LYPLAL1: variants seen among roughly 807,000 people sequenced by gnomAD.
LYPLAL1 encodes the protein lysophospholipase like 1, also known as lysophospholipase-like protein 1.
Under a neutral mutation model 19.7 loss-of-function variants are expected in LYPLAL1, and 23 were observed. The observed-to-expected ratio is 1.17, with a 90% CI of 0.84 to 1.65. The LOEUF (loss-of-function observed/expected upper bound fraction) is 1.65. Ranked by LOEUF, LYPLAL1 falls within the 40% of genes most tolerant of loss-of-function variation. The probability of loss-of-function intolerance (pLI) is 0.00; values close to 1 mark genes in which losing one functional copy is unlikely to be tolerated. For synonymous variants in LYPLAL1, 119 were observed against 96.3 expected, an observed-to-expected ratio of 1.24 and a Z score of -1.38; for missense variants, 355 against 279.4, an observed-to-expected ratio of 1.27 and a Z score of -1.93.
the LYPLAL1 span, among the ~76,000 whole-genome samples, chr1:219,305,877 G>A: frequency 1.4e-4 from 22 of 152,240 alleles, no homozygotes; most frequent in African/African-American, 4.8e-4. Flanking sequence ...TATCAACTCT[G>A]AACTACAATA....
At chr1:219,322,321 G>T in the LYPLAL1 span, among the ~76,000 whole-genome samples, 1 of 152,158 alleles carries the variant, frequency 6.6e-6, no homozygotes, top group African/African-American at 2.4e-5. Flanking sequence ...TAAAAGGGAT[G>T]TAGGAGCTGC....
chr1:219,257,663 G>A, the LYPLAL1 span, among the ~76,000 whole-genome samples: 1 of 152,048 alleles, frequency 6.6e-6, no homozygotes, highest in Admixed American at 6.6e-5. Context: ...AAGATTGCAA[G>A]GCAAAGGGCA....
chr1:219,232,969 A>G, the LYPLAL1 span, among the ~76,000 whole-genome samples: 1 of 152,190 alleles, frequency 6.6e-6, no homozygotes, highest in South Asian at 2.1e-4. Flanking sequence ...ACCATGGAAA[A>G]CAATATTCCA....
At chr1:219,436,072 G>C in the LYPLAL1 span, among the ~76,000 whole-genome samples, 1 of 152,036 alleles carries the variant, frequency 6.6e-6, no homozygotes, top group Non-Finnish European at 1.5e-5. Context: ...ACACTAGCCC[G>C]TACACCCACA....
At chr1:219,412,351 T>C in the LYPLAL1 span, among the ~76,000 whole-genome samples, 1 of 152,190 alleles carries the variant, frequency 6.6e-6, no homozygotes, top group Non-Finnish European at 1.5e-5. Context: ...CTCTTCTTGG[T>C]TTAATGTTGG....
At chr1:219,426,125 C>G in the LYPLAL1 span, among the ~76,000 whole-genome samples, 27 of 152,130 alleles carry the variant, frequency 1.8e-4, no homozygotes, top group Non-Finnish European at 4.4e-5. Flanking sequence ...AGTGTGTATA[C>G]GTTTGGTTTG....
chr1:219,378,837 T>G, the LYPLAL1 span, among the ~76,000 whole-genome samples: 1 of 152,120 alleles, frequency 6.6e-6, no homozygotes, highest in Non-Finnish European at 1.5e-5. Context: ...AGACAATATA[T>G]TTTTAATTGG....
At chr1:219,314,284 T>C in the LYPLAL1 span, among the ~76,000 whole-genome samples, 1 of 152,256 alleles carries the variant, frequency 6.6e-6, no homozygotes, top group East Asian at 1.9e-4. Context: ...CTGTGATGAA[T>C]ATACATGTGC....
chr1:219,385,072 G>A, the LYPLAL1 span, among the ~76,000 whole-genome samples: 1 of 152,158 alleles, frequency 6.6e-6, no homozygotes, highest in Non-Finnish European at 1.5e-5. Context: ...GGGGAGGTCA[G>A]TAAACCTATA....
the LYPLAL1 span, among the ~76,000 whole-genome samples, chr1:219,319,257 T>A: frequency 6.6e-6 from 1 of 152,068 alleles, no homozygotes; most frequent in African/African-American, 2.4e-5. Context: ...GTGTAGACCC[T>A]TCAGAAACTC....
the LYPLAL1 span, among the ~76,000 whole-genome samples, chr1:219,354,061 A>C: frequency 6.6e-6 from 1 of 152,220 alleles, no homozygotes; most frequent in South Asian, 2.1e-4. Context: ...AAACAGTCCA[A>C]ACTGAAGTAC....
chr1:219,247,601 C>G, the LYPLAL1 span, among the ~76,000 whole-genome samples: 1 of 152,196 alleles, frequency 6.6e-6, no homozygotes, highest in Non-Finnish European at 1.5e-5. Flanking sequence ...CTCTGCTTCT[C>G]CAGCTTTGCA....
the LYPLAL1 span, among the ~76,000 whole-genome samples, chr1:219,440,010 TATACACACACACAC>T: frequency 7.7e-4 from 74 of 96,600 alleles, no homozygotes; most frequent in South Asian, 2.8e-3. Flanking sequence ...TATATATATA[TATACACACACACAC>T]ATATATATAT....
intron 2 of LYPLAL1, among the ~76,000 whole-genome samples, chr1:219,192,314 G>A (rs1657245688): frequency 6.6e-6 from 1 of 151,666 alleles, no homozygotes; most frequent in Non-Finnish European, 1.5e-5. Context: ...ACAGTATACA[G>A]CTAAATTTGA....
the LYPLAL1 span, among the ~76,000 whole-genome samples, chr1:219,319,289 T>G: frequency 5.9e-5 from 9 of 152,146 alleles, no homozygotes; most frequent in Non-Finnish European, 2.9e-5. Flanking sequence ...CTCCCATAGC[T>G]GAGCCTCTGA....
chr1:219,411,459 T>C, the LYPLAL1 span, among the ~76,000 whole-genome samples: 1 of 151,782 alleles, frequency 6.6e-6, no homozygotes, highest in East Asian at 1.9e-4. Flanking sequence ...GATGGGGAGG[T>C]GGAGAACCTT....
rs574853202 is a variant in LYPLAL1 at position 219,212,357 on chromosome 1, A to G, written c.*629A>G. 3.3e-5 allele frequency: 5 copies of G among 152,174 alleles called. No homozygotes were observed. The highest frequency in any genetic ancestry group is 6.5e-5 in the Admixed American group (1 of 15,282). The allele number at this position is 152,174 out of a possible 1,614,324, so 9.4% of individuals were successfully genotyped here. A position where few individuals can be genotyped will look rare whatever the true frequency, so the allele number is the denominator to read the frequency against. Reference sequence around the variant, plus strand: ...CTGCTCTGTTTTAGGTCTCAATTTCATCTGTAAAATGATACTAATAGTACT... The same window carrying G: ...CTGCTCTGTTTTAGGTCTCAATTTCGTCTGTAAAATGATACTAATAGTACT... On this transcript the variant is annotated 3_prime_UTR_variant, in exon 5 of 5. Coordinates refer to ENST00000366928, the MANE Select transcript of LYPLAL1 (RefSeq NM_138794.5).
At chr1:219,199,762 C>T (rs1293561016) in intron 3 of LYPLAL1, among the ~76,000 whole-genome samples, 1 of 150,518 alleles carries the variant, frequency 6.6e-6, no homozygotes, top group East Asian at 2.0e-4. Context: ...CTACAGGCGC[C>T]TGCCACCACG....
At chr1:219,386,465 A>G in the LYPLAL1 span, among the ~76,000 whole-genome samples, 1 of 152,164 alleles carries the variant, frequency 6.6e-6, no homozygotes, top group African/African-American at 2.4e-5. Context: ...GTGTGGCCAT[A>G]TAGCCAGAGT....
Sources: allele counts gnomAD v4.1 joint callset (sites outside exome capture counted in the v4.1 genomes callset), GRCh38; gene constraint gnomAD v4.1.1; transcripts MANE v1.5; gene names NCBI Gene and HGNC (gene_info 2026-07-23, HGNC 2026-07-21).